Variants in KCNIP4 observed in about 807,000 individuals in gnomAD.
KCNIP4 encodes Kv channel-interacting protein 4.
A neutral mutation model predicts 34.0 loss-of-function variants in KCNIP4; 12 were observed. That is an observed-to-expected ratio of 0.35 (90% CI 0.23 to 0.57). KCNIP4 has a LOEUF of 0.57. Among genes scored for constraint, KCNIP4 ranks in the 20% least tolerant of loss-of-function variants. The pLI, the probability that KCNIP4 is intolerant of heterozygous loss-of-function variation, is 0.83. For missense variants in KCNIP4, 238 were observed against 311.7 expected, an observed-to-expected ratio of 0.76 and a Z score of 1.78; for synonymous variants, 124 against 102.2, an observed-to-expected ratio of 1.21 and a Z score of -1.29.
chr4:21,814,266 C>A (rs537715022), intron 1 of KCNIP4, among the ~76,000 whole-genome samples: 1 of 152,122 alleles, frequency 6.6e-6, no homozygotes, highest in South Asian at 2.1e-4. Flanking sequence ...TTAATGAAAT[C>A]TGACTGATAT....
At chr4:21,383,327 C>G (rs1721697279) in intron 1 of KCNIP4, among the ~76,000 whole-genome samples, 3 of 149,652 alleles carry the variant, frequency 2.0e-5, no homozygotes, top group Non-Finnish European at 4.4e-5. Context: ...TTTTTTCTAA[C>G]AGTTTACGAT....
At chr4:20,954,377 T>C (rs962671678) in intron 1 of KCNIP4, among the ~76,000 whole-genome samples, 6 of 152,220 alleles carry the variant, frequency 3.9e-5, no homozygotes, top group Non-Finnish European at 7.3e-5. Flanking sequence ...AACATTACAT[T>C]AGTGTTTGTT....
At chr4:21,040,967 A>AC (rs397771687) in intron 1 of KCNIP4, among the ~76,000 whole-genome samples, 3 of 150,834 alleles carry the variant, frequency 2.0e-5, no homozygotes, top group Non-Finnish European at 4.4e-5. Context: ...AAAAAAAAAA[A>AC]CATAAAAATT....
intron 1 of KCNIP4, among the ~76,000 whole-genome samples, chr4:21,142,529 C>A (rs1752049922): frequency 6.6e-6 from 1 of 152,140 alleles, no homozygotes; most frequent in Non-Finnish European, 1.5e-5. Context: ...TAATCATCAA[C>A]TTGCTGCTTC....
chr4:21,485,170 A>G (rs569350091), intron 1 of KCNIP4, among the ~76,000 whole-genome samples: 1 of 152,338 alleles, frequency 6.6e-6, no homozygotes, highest in African/African-American at 2.4e-5. Context: ...ACTATTAAAC[A>G]TTATAGATAA....
intron 1 of KCNIP4, among the ~76,000 whole-genome samples, chr4:21,821,469 T>C (rs1722349724): frequency 6.6e-6 from 1 of 152,162 alleles, no homozygotes; most frequent in Non-Finnish European, 1.5e-5. Context: ...TTTTCAGAAA[T>C]GTTACCCGCA....
intron 1 of KCNIP4, among the ~76,000 whole-genome samples, chr4:20,908,430 C>G (rs1728006610): frequency 6.6e-6 from 1 of 152,192 alleles, no homozygotes; most frequent in African/African-American, 2.4e-5. Context: ...AGCTTAAATA[C>G]TAACGATTGC....
chr4:20,864,250 A>G (rs1447552852), intron 2 of KCNIP4, among the ~76,000 whole-genome samples: 4 of 151,760 alleles, frequency 2.6e-5, no homozygotes, highest in Middle Eastern at 3.5e-3. Flanking sequence ...ATGTATGTAT[A>G]TATGCACACA....
chr4:21,217,521 T>C (rs999391269), intron 1 of KCNIP4, among the ~76,000 whole-genome samples: 2 of 152,184 alleles, frequency 1.3e-5, no homozygotes, highest in Non-Finnish European at 2.9e-5. Flanking sequence ...GAACCCAACT[T>C]ATAAAGTGCG....
At chr4:21,446,100 C>A (rs567186070) in intron 1 of KCNIP4, among the ~76,000 whole-genome samples, 3 of 151,924 alleles carry the variant, frequency 2.0e-5, no homozygotes, top group African/African-American at 7.3e-5. Context: ...GTTAGAATGG[C>A]GATCATTAAA....
At chr4:20,836,914 A>C (rs1353380632) in intron 3 of KCNIP4, among the ~76,000 whole-genome samples, 2 of 151,548 alleles carry the variant, frequency 1.3e-5, no homozygotes, top group African/African-American at 4.9e-5. Context: ...ACCCTTAAGT[A>C]ATTCTTTGCT....
intron 2 of KCNIP4, among the ~76,000 whole-genome samples, chr4:20,868,084 A>C (rs1268836420): frequency 6.6e-6 from 1 of 152,072 alleles, no homozygotes; most frequent in Admixed American, 6.6e-5. Context: ...GAAGATATTC[A>C]CAAATGATGT....
rs116259372 is a variant in KCNIP4, at chr4:21,185,475, C to T, written c.62-302766G>A. Among the ~76,000 whole-genome samples the T allele has an allele frequency of 9.3e-3, 1,409 of 151,710 alleles. 21 individuals carry two copies. Among genetic ancestry groups the T allele is most frequent in the African/African-American group, 0.032 (1,334 of 41,240 alleles). ...CCTCCCTTTTCTTCTTCTTCTTCCT[C>T]CTCCTCCCCCTCCTCTTCTCCTTTT... On this transcript the variant is annotated intron_variant, in intron 1 of 8. Transcript: ENST00000382152.
At chr4:21,799,224 G>A (rs973760446) in intron 1 of KCNIP4, among the ~76,000 whole-genome samples, 34 of 152,064 alleles carry the variant, frequency 2.2e-4, no homozygotes, top group Non-Finnish European at 1.0e-4. Flanking sequence ...GTCTAATGAA[G>A]GAGACACCAT....
chr4:20,844,985 G>A (rs1466023737), intron 3 of KCNIP4, among the ~76,000 whole-genome samples: 3 of 152,162 alleles, frequency 2.0e-5, no homozygotes, highest in Non-Finnish European at 2.9e-5. Context: ...GGGATTAACT[G>A]CATTTGAGAT....
intron 1 of KCNIP4, among the ~76,000 whole-genome samples, chr4:20,916,040 T>C (rs1404429425): frequency 6.6e-6 from 1 of 152,110 alleles, no homozygotes; most frequent in African/African-American, 2.4e-5. Flanking sequence ...TGCCCCAAAA[T>C]GCATATTTTT....
intron 1 of KCNIP4, among the ~76,000 whole-genome samples, chr4:21,355,232 A>G (rs549140139): frequency 1.8e-4 from 28 of 152,316 alleles, no homozygotes; most frequent in Non-Finnish European, 3.1e-4. Flanking sequence ...TAACATCACA[A>G]TTAAAATAAC....
intron 1 of KCNIP4, among the ~76,000 whole-genome samples, chr4:21,488,256 C>G (rs904375407): frequency 3.3e-5 from 5 of 152,108 alleles, no homozygotes; most frequent in Admixed American, 2.6e-4. Flanking sequence ...TTATCCATAA[C>G]CTCCCACTCC....
At chr4:20,908,330 C>A (rs2149565231) in intron 1 of KCNIP4, among the ~76,000 whole-genome samples, 1 of 152,250 alleles carries the variant, frequency 6.6e-6, no homozygotes, top group African/African-American at 2.4e-5. Context: ...GAACTCCTGA[C>A]CTCGTGATCC....
Sources: allele counts gnomAD v4.1 joint callset (sites outside exome capture counted in the v4.1 genomes callset), GRCh38; gene constraint gnomAD v4.1.1; transcripts MANE v1.5; gene names NCBI Gene and HGNC (gene_info 2026-07-23, HGNC 2026-07-21).